The following PLEKHA5 variants were observed in gnomAD, a reference collection of about 807,000 sequenced individuals.
The protein encoded by PLEKHA5 is pleckstrin homology domain containing A5, also known as pleckstrin homology domain-containing family A member 5.
A neutral mutation model predicts 181.9 loss-of-function variants in PLEKHA5; 55 were observed. That is an observed-to-expected ratio of 0.30 (90% confidence interval 0.24 to 0.38). The LOEUF is 0.38. Ranked by LOEUF, PLEKHA5 falls within the 10% of genes least tolerant of loss-of-function variation. The pLI is 1.00. For synonymous variants in PLEKHA5, 535 were observed against 529.4 expected, an observed-to-expected ratio of 1.01 and a Z score of -0.15; for missense variants, 1,432 against 1,549.5, an observed-to-expected ratio of 0.92 and a Z score of 1.27.
chr12:19,261,359 C>A (rs1022666817), intron 7 of PLEKHA5, among the ~76,000 whole-genome samples: 2 of 152,066 alleles, frequency 1.3e-5, no homozygotes, highest in African/African-American at 2.4e-5. Flanking sequence ...GCTTATGGGT[C>A]CTTCAAGCAC....
At chr12:19,355,900 C>G (rs1592614995) in intron 26 of PLEKHA5, among the ~76,000 whole-genome samples, 1 of 151,976 alleles carries the variant, frequency 6.6e-6, no homozygotes, top group East Asian at 1.9e-4. Context: ...GTAGCTTACA[C>G]CTGTCATCCC....
chr12:19,306,728 A>G (rs994485405), intron 15 of PLEKHA5: 17 of 1,290,456 alleles, frequency 1.3e-5, no homozygotes, highest in Non-Finnish European at 1.8e-5. Context: ...GACGAACCAC[A>G]CCTCTTCCCG....
intron 3 of PLEKHA5, among the ~76,000 whole-genome samples, chr12:19,230,400 G>T (rs1024900198): frequency 6.6e-6 from 1 of 152,174 alleles, no homozygotes; most frequent in Non-Finnish European, 1.5e-5. Context: ...ACCGGGCGTC[G>T]CAGAGCGGGG....
intron 15 of PLEKHA5, among the ~76,000 whole-genome samples, chr12:19,300,220 TC>T (rs2081091477): frequency 6.6e-6 from 1 of 152,230 alleles, no homozygotes; most frequent in South Asian, 2.1e-4. Flanking sequence ...TAATGGATTT[TC>T]TTTCATCTTT....
chr12:19,307,395 C>A, intron 15 of PLEKHA5: 1 of 256,102 alleles, frequency 3.9e-6, no homozygotes, highest in South Asian at 4.8e-5. Flanking sequence ...TCGCCTGAAT[C>A]CTGGAGGCGG....
At chr12:19,312,302 A>G (rs2086832320) in intron 15 of PLEKHA5, among the ~76,000 whole-genome samples, 1 of 152,190 alleles carries the variant, frequency 6.6e-6, no homozygotes, top group Non-Finnish European at 1.5e-5. Flanking sequence ...TCCCCAAACA[A>G]GAGTGTCATC....
chr12:19,234,545 C>T (rs2061117237), intron 3 of PLEKHA5, among the ~76,000 whole-genome samples: 2 of 152,172 alleles, frequency 1.3e-5, no homozygotes. Flanking sequence ...CATAAGCTTC[C>T]AGAGTCTCTT....
At chr12:19,365,321 G>A (rs1025225966) in intron 29 of PLEKHA5, among the ~76,000 whole-genome samples, 1 of 150,176 alleles carries the variant, frequency 6.7e-6, no homozygotes, top group Non-Finnish European at 1.5e-5. Context: ...AGCCTAGATC[G>A]CGCCACTGCA....
chr12:19,287,339 C>A, intron 12 of PLEKHA5, 134 bp from the exon 13 acceptor site: 1 of 688,298 alleles, frequency 1.5e-6, no homozygotes. Context: ...ATGTTAGTCT[C>A]TATCATCTTT....
At chr12:19,129,995 C>T (rs2032927433) in intron 1 of PLEKHA5, 56 bp from the exon 2 acceptor site, 1 of 1,477,834 alleles carries the variant, frequency 6.8e-7, no homozygotes, top group East Asian at 2.5e-5. Context: ...AGCCCCTCGG[C>T]TCGCCCCCGC....
At chr12:19,196,288 CAATTT>C (rs1265131728) in intron 3 of PLEKHA5, among the ~76,000 whole-genome samples, 3 of 152,146 alleles carry the variant, frequency 2.0e-5, no homozygotes, top group Non-Finnish European at 4.4e-5. Context: ...CACATAAAGA[CAATTT>C]AATAGTAGAT....
At chr12:19,356,216 A>T (rs1176354533) in intron 26 of PLEKHA5, among the ~76,000 whole-genome samples, 1 of 151,802 alleles carries the variant, frequency 6.6e-6, no homozygotes, top group African/African-American at 2.4e-5. Flanking sequence ...TCAAGCAGAA[A>T]GATACTAGCA....
At chr12:19,147,534 A>G (rs2039222937) in intron 3 of PLEKHA5, among the ~76,000 whole-genome samples, 2 of 152,172 alleles carry the variant, frequency 1.3e-5, no homozygotes, top group South Asian at 2.1e-4. Context: ...TGACTATGAA[A>G]AGACAACTTT....
chr12:19,288,198 G>A (rs1331741208), intron 13 of PLEKHA5: 1 of 206,698 alleles, frequency 4.8e-6, no homozygotes, highest in African/African-American at 2.3e-5. Flanking sequence ...CCAGCAAGCA[G>A]TTATTTGTAG....
chr12:19,353,946 A>T lies in PLEKHA5; in HGVS notation c.3082A>T (p.Thr1028Ser), dbSNP rs755438781. ...AAAATCACCAACACCCGAATCTTCG[A>T]CAATAGCTTCCTATGTAACCTTGAG... ...RAKSPTPESS[T>S]IASYVTLRKT... The change falls in exon 26 of 32, where the codon ACA becomes TCA. Residue 1028 changes from threonine to serine, a missense_variant. This residue lies in a region of PLEKHA5 where 1,143 missense variants were observed against 1,168.4 expected (regional missense o/e 0.98). Coordinates refer to ENST00000429027, the MANE Select transcript of PLEKHA5 (RefSeq NM_001256470.2). 2 of 1,611,246 alleles carry T rather than the reference A, an allele frequency of 1.2e-6. No individual in the cohort carries two copies. Among genetic ancestry groups the T allele is most frequent in the Non-Finnish European group, 1.7e-6 (2 of 1,177,490 alleles).
rs149849957 is a variant in PLEKHA5 at position 19,253,914 on chromosome 12, C to G, written c.228-26C>G. 494 of 1,288,832 alleles carry G rather than the reference C, an allele frequency of 3.8e-4. 1 individual carries two copies. Among genetic ancestry groups the G allele is most frequent in the Non-Finnish European group, 5.4e-4 (482 of 891,964 alleles). The allele number at this position is 1,288,832 out of a possible 1,614,324, so 79.8% of individuals were successfully genotyped here. ...TGGGAATTTTAAATACCTGCATGTT[C>G]TGTTTTTCTTTTTTCCTTTTTTCAG... On this transcript the variant is annotated intron_variant, in intron 3 of 31. Transcript: ENST00000429027.
At chr12:19,314,424 T>C (rs2087760244) in intron 15 of PLEKHA5, among the ~76,000 whole-genome samples, 1 of 152,164 alleles carries the variant, frequency 6.6e-6, no homozygotes. Flanking sequence ...ATTTTCAGCT[T>C]TATTACTGAA....
chr12:19,350,760 C>CA (rs375117198), intron 25 of PLEKHA5, among the ~76,000 whole-genome samples: 114 of 149,484 alleles, frequency 7.6e-4, no homozygotes, highest in Admixed American at 1.7e-3. Flanking sequence ...GACTCCATCT[C>CA]AAAAAAAAAC....
chr12:19,210,459 T>C (rs2056681807), intron 3 of PLEKHA5, among the ~76,000 whole-genome samples: 1 of 152,174 alleles, frequency 6.6e-6, no homozygotes, highest in East Asian at 1.9e-4. Flanking sequence ...GAGTTCTGGA[T>C]TTTAGGAATT....
Sources: allele counts gnomAD v4.1 joint callset (sites outside exome capture counted in the v4.1 genomes callset), GRCh38; gene constraint gnomAD v4.1.1; regional missense constraint gnomAD v4.1.1; transcripts MANE v1.5; gene names NCBI Gene and HGNC (gene_info 2026-07-23, HGNC 2026-07-21).